CEP112: variants seen among roughly 807,000 people sequenced by gnomAD.
CEP112 encodes centrosomal protein 112.
Under a neutral mutation model 153.0 loss-of-function variants are expected in CEP112, and 127 were observed. That is an observed-to-expected ratio of 0.83 (90% confidence interval 0.72 to 0.96). The LOEUF is 0.96. Ranked by LOEUF, CEP112 falls within the 40% of genes least tolerant of loss-of-function variation. The pLI is 0.00. For synonymous variants in CEP112, 358 were observed against 374.4 expected (o/e 0.96, Z 0.51); for missense variants, 1,089 against 1,101.2 (o/e 0.99, Z 0.16).
chr17:66,121,691 T>C (rs1204608218), intron 6 of CEP112, among the ~76,000 whole-genome samples: 1 of 151,844 alleles, frequency 6.6e-6, no homozygotes, highest in African/African-American at 2.4e-5. Flanking sequence ...AATTTCCATC[T>C]GTTTTTTTTT....
At chr17:65,823,789 T>TA (rs1283212495) in intron 21 of CEP112, among the ~76,000 whole-genome samples, 1 of 152,002 alleles carries the variant, frequency 6.6e-6, no homozygotes, top group Non-Finnish European at 1.5e-5. Flanking sequence ...AAAATAGCAG[T>TA]AAAAAATCAG....
chr17:66,112,907 T>C (rs1161945464), intron 6 of CEP112, among the ~76,000 whole-genome samples: 1 of 151,900 alleles, frequency 6.6e-6, no homozygotes, highest in Non-Finnish European at 1.5e-5. Context: ...GATCATGTCA[T>C]TGCACTCCAG....
intron 24 of CEP112, among the ~76,000 whole-genome samples, chr17:65,673,271 TC>T (rs1033289562): frequency 3.3e-5 from 5 of 152,126 alleles, no homozygotes; most frequent in Non-Finnish European, 7.4e-5. Flanking sequence ...TGTTGTCCTC[TC>T]CCTCTTTAAA....
chr17:66,177,439 A>C (rs574395298), intron 2 of CEP112, among the ~76,000 whole-genome samples: 1 of 152,340 alleles, frequency 6.6e-6, no homozygotes, highest in African/African-American at 2.4e-5. Context: ...TTAATTTTTA[A>C]TTATTGTGAG....
intron 21 of CEP112, among the ~76,000 whole-genome samples, chr17:65,784,175 T>C (rs925256798): frequency 1.3e-5 from 2 of 152,130 alleles, no homozygotes; most frequent in African/African-American, 4.8e-5. Context: ...AAAGGAGAAT[T>C]TGGTAGACTG....
chr17:65,687,455 T>C (rs2047864584), intron 24 of CEP112, among the ~76,000 whole-genome samples: 1 of 152,140 alleles, frequency 6.6e-6, no homozygotes, highest in African/African-American at 2.4e-5. Flanking sequence ...TGTGAGCCAC[T>C]GCGCCCGGCC....
At chr17:65,952,613 T>C (rs2061872714) in intron 18 of CEP112, among the ~76,000 whole-genome samples, 2 of 152,178 alleles carry the variant, frequency 1.3e-5, no homozygotes, top group Non-Finnish European at 1.5e-5. Context: ...TCTTTATTTC[T>C]CTTTGGTAAA....
intron 17 of CEP112, among the ~76,000 whole-genome samples, chr17:65,975,298 G>T (rs796467324): frequency 6.6e-6 from 1 of 152,052 alleles, no homozygotes; most frequent in Non-Finnish European, 1.5e-5. Context: ...CATATAAGAA[G>T]AATAAAATAA....
At chr17:66,082,842 A>G (rs1218065314) in intron 8 of CEP112, among the ~76,000 whole-genome samples, 1 of 151,686 alleles carries the variant, frequency 6.6e-6, no homozygotes. Flanking sequence ...CAATAAAACT[A>G]GATATTAATA....
At chr17:66,031,473 GTTT>G (rs373101324) in intron 12 of CEP112, among the ~76,000 whole-genome samples, 2,651 of 119,724 alleles carry the variant, frequency 0.022, 121 homozygotes, top group African/African-American at 0.046. Flanking sequence ...GTTTTGTTTT[GTTT>G]TTTTTTTTTG....
chr17:66,074,700 T>C (rs762041542), intron 8 of CEP112, among the ~76,000 whole-genome samples: 5 of 151,588 alleles, frequency 3.3e-5, no homozygotes, highest in African/African-American at 4.8e-5. Context: ...CCGTCTCTAC[T>C]AAAAATACAA....
intron 16 of CEP112, among the ~76,000 whole-genome samples, chr17:66,010,305 A>G (rs776644177): frequency 3.2e-4 from 49 of 152,230 alleles, no homozygotes; most frequent in Admixed American, 5.2e-4. Flanking sequence ...TTGTACATTG[A>G]TTTTGTATCC....
chr17:65,947,127 C>A (rs2061674418), intron 18 of CEP112, among the ~76,000 whole-genome samples: 1 of 152,078 alleles, frequency 6.6e-6, no homozygotes. Context: ...TTTTAAGAAA[C>A]TCATAGTCAC....
chr17:65,863,447 G>A (rs1338964999), intron 20 of CEP112, among the ~76,000 whole-genome samples: 1 of 152,146 alleles, frequency 6.6e-6, no homozygotes, highest in East Asian at 1.9e-4. Context: ...TGAGCACGAC[G>A]GGTTCAGGCC....
intron 21 of CEP112, among the ~76,000 whole-genome samples, chr17:65,796,259 T>TA (rs1217715048): frequency 1.3e-5 from 2 of 152,184 alleles, no homozygotes; most frequent in Non-Finnish European, 2.9e-5. Flanking sequence ...CTTCCTTTAT[T>TA]AGACTACGAT....
intron 21 of CEP112, among the ~76,000 whole-genome samples, chr17:65,830,304 G>A (rs2057025079): frequency 6.6e-6 from 1 of 152,190 alleles, no homozygotes; most frequent in African/African-American, 2.4e-5. Flanking sequence ...GCCATGACTG[G>A]TAAGAGAAAT....
chr17:65,869,238 T>A (rs1396936364), intron 20 of CEP112, among the ~76,000 whole-genome samples: 2 of 152,246 alleles, frequency 1.3e-5, no homozygotes, highest in African/African-American at 4.8e-5. Context: ...AGATTACCTT[T>A]AAAATGATTC....
In CEP112 at chr17:65,837,093, G is replaced by A. The variant is rs567383014; in HGVS notation, c.2394+14711C>T. Among the ~76,000 whole-genome samples the A allele has an allele frequency of 9.6e-4, 146 of 152,288 alleles. 2 individuals are homozygous for A. In the South Asian group the frequency reaches 0.019, roughly 19 times the overall value. ...GTGCCGGGATTGCAGACGGAGTCTC[G>A]CTCACTCAGTGCTCAATGTTGCCCA... On this transcript the variant is annotated intron_variant, in intron 21 of 26. Coordinates refer to ENST00000535342, the MANE Select transcript of CEP112 (RefSeq NM_001199165.4).
intron 21 of CEP112, among the ~76,000 whole-genome samples, chr17:65,762,291 T>G (rs929530024): frequency 1.3e-5 from 2 of 152,050 alleles, no homozygotes; most frequent in African/African-American, 4.8e-5. Context: ...ATATTTTTTT[T>G]GATCCATTTA....
Sources: allele counts gnomAD v4.1 joint callset (sites outside exome capture counted in the v4.1 genomes callset), GRCh38; gene constraint gnomAD v4.1.1; transcripts MANE v1.5; gene names NCBI Gene and HGNC (gene_info 2026-07-23, HGNC 2026-07-21).